The following CLEC7A variants were observed in gnomAD, a reference collection of about 807,000 sequenced individuals.
CLEC7A encodes C-type lectin domain family 7 member A.
A neutral mutation model predicts 26.9 loss-of-function variants in CLEC7A; 25 were observed. The ratio of observed to expected loss-of-function variants is 0.93; its 90% CI spans 0.68 to 1.30. The LOEUF is 1.30. CLEC7A is among the 50% of genes most tolerant of loss of function. The probability of loss-of-function intolerance (pLI) is 0.00; values close to 1 mark genes in which losing one functional copy is unlikely to be tolerated. For synonymous variants in CLEC7A, 100 were observed against 99.5 expected (o/e 1.01, Z -0.03); for missense variants, 275 against 286.7 (o/e 0.96, Z 0.29).
At position 10,116,816 on chromosome 12, in the gene CLEC7A, C is replaced by T. The variant is rs561611735; in HGVS notation, c.*1642G>A. The T allele has an allele frequency of 3.3e-5, 5 of 152,142 alleles. No individual in the cohort carries two copies. The highest frequency in any genetic ancestry group is 7.2e-5 in the African/African-American group (3 of 41,494). 9.4% of individuals were successfully genotyped at this position (152,142 alleles called of 1,614,324 possible). A position where few individuals can be genotyped will look rare whatever the true frequency, so the allele number is the denominator to read the frequency against. ...TTTTTTTTTATTGAAATGAAATCCA[C>T]ATAACATAAAATCATCCATTTTAAA... On this transcript the variant is annotated 3_prime_UTR_variant, in exon 6 of 6. Coordinates refer to ENST00000304084, the MANE Select transcript of CLEC7A (RefSeq NM_197947.3).
intron 2 of CLEC7A, chr12:10,127,065 A>G: frequency 7.2e-7 from 1 of 1,392,424 alleles, no homozygotes; most frequent in Non-Finnish European, 9.4e-7. Flanking sequence ...TAAAAATGAG[A>G]GATCCTTGAG....
intron 3 of CLEC7A, chr12:10,126,070 T>C: frequency 1.9e-6 from 1 of 529,256 alleles, no homozygotes; most frequent in Non-Finnish European, 2.4e-6. Context: ...TTAAACAAAT[T>C]TGATGAGTTT....
intron 5 of CLEC7A, among the ~76,000 whole-genome samples, chr12:10,119,729 GAAAAA>G (rs1948017597): frequency 6.6e-6 from 1 of 151,258 alleles, no homozygotes; most frequent in African/African-American, 2.4e-5. Flanking sequence ...AGAGGCAAAT[GAAAAA>G]ACACTTCAAA....
At chr12:10,126,246 G>A in intron 3 of CLEC7A, 1 of 979,618 alleles carries the variant, frequency 1.0e-6, no homozygotes. Context: ...TCTGTAAGGG[G>A]AGAGAACACT....
chr12:10,127,875 TAAAG>T (rs1225694415), intron 1 of CLEC7A, 30 bp from the exon 2 acceptor site: 1 of 1,419,710 alleles, frequency 7.0e-7, no homozygotes, highest in Non-Finnish European at 9.6e-7. Flanking sequence ...AGAAATGGAA[TAAAG>T]AAAGAGAATG....
intron 2 of CLEC7A, 31 bp from the exon 3 acceptor site, chr12:10,126,739 G>A (rs1477363126): frequency 2.6e-6 from 4 of 1,544,294 alleles, no homozygotes; most frequent in Admixed American, 3.8e-5. Context: ...AATAGTGACA[G>A]AAAAAATGTC....
rs1299764973 is a variant in CLEC7A, at chr12:10,124,902, T to C, written c.492+395A>G. Reference sequence around the variant, plus strand: ...TGCTATGATTATAATTATAGAGATATTAAAAATGAATTTTGGCCAAGTATG... The same window carrying C: ...TGCTATGATTATAATTATAGAGATACTAAAAATGAATTTTGGCCAAGTATG... On this transcript the variant is annotated intron_variant, in intron 4 of 5. Transcript: ENST00000304084. The C allele has an allele frequency of 2.1e-5, 4 of 192,554 alleles. No individual in the cohort carries two copies. In the East Asian group the frequency reaches 4.3e-4, roughly 20 times the overall value. 11.9% of individuals were successfully genotyped at this position (192,554 alleles called of 1,614,324 possible). A position where few individuals can be genotyped will look rare whatever the true frequency, so the allele number is the denominator to read the frequency against.
intron 1 of CLEC7A, among the ~76,000 whole-genome samples, chr12:10,128,247 C>CACACACACACACACA (rs3221301): frequency 7.3e-6 from 1 of 136,820 alleles, no homozygotes; most frequent in African/African-American, 2.9e-5. Flanking sequence ...CACACACACA[C>CACACACACACACACA]CACCAACAAC....
At chr12:10,123,485 G>A in intron 4 of CLEC7A, 122 bp from the exon 5 acceptor site, 1 of 691,836 alleles carries the variant, frequency 1.4e-6, no homozygotes, top group Non-Finnish European at 2.5e-6. Context: ...TGCAAGGCCG[G>A]GCGCGGTGGC....
rs903063030 is a variant in CLEC7A, at chr12:10,127,680, G to A, written c.202+67C>T. ...GATTATGCATGTCAAGCCCTTAAAAGAGTGCCTGGCACATAATAATTGCTT... is the reference window on the plus strand; with the variant it reads ...GATTATGCATGTCAAGCCCTTAAAAAAGTGCCTGGCACATAATAATTGCTT... On this transcript the variant is annotated intron_variant, in intron 2 of 5. Transcript: ENST00000304084. 6 of 1,139,328 alleles carry A rather than the reference G, an allele frequency of 5.3e-6. No individual in the cohort carries two copies. In the African/African-American group the frequency reaches 9.2e-5, roughly 18 times the overall value. 70.6% of individuals were successfully genotyped at this position (1,139,328 alleles called of 1,614,324 possible).
rs1046449601 is a variant in CLEC7A at position 10,126,848 on chromosome 12, G to T, written c.203-140C>A. On this transcript the variant is annotated intron_variant, in intron 2 of 5. Transcript: ENST00000304084. ...TGATAAATAGATGATATATTGCTGT[G>T]GAGAGATAAAGACGATTGATAGAAT... 1.3e-5 allele frequency: 9 copies of T among 715,254 alleles called. No homozygotes were observed. In the African/African-American group the frequency reaches 1.5e-4, roughly 12 times the overall value. 44.3% of individuals were successfully genotyped at this position (715,254 alleles called of 1,614,324 possible).
At chr12:10,127,197 AAT>A in intron 2 of CLEC7A, 4 of 1,130,270 alleles carry the variant, frequency 3.5e-6, no homozygotes, top group East Asian at 2.6e-5. Context: ...ATGTAAAAAA[AAT>A]ATTAATCCAT....
Position 10,126,604 on chromosome 12 carries a change from T to C in CLEC7A, c.307A>G (p.Ser103Gly), listed in dbSNP as rs776472936. 8.1e-6 allele frequency: 13 copies of C among 1,610,982 alleles called. No individual in the cohort carries two copies. In the South Asian group the frequency reaches 1.3e-4, roughly 16 times the overall value. ...TTGACAGCTTTGGTAGGAGTCACAC[T>C]GTCTTCTAAAGATGATTGTGTGGGT... is the stretch of plus-strand genomic sequence containing the variant. ...SQPTQSSLED[S>G]VTPTKAVKTT... is the part of the protein sequence containing the mutation. The change falls in exon 3 of 6, where the codon AGT (serine) becomes GGT (glycine). Residue 103 changes from serine (S) to glycine (G), a missense_variant. Physicochemically the swap from Ser to Gly is moderately conservative, Grantham distance 56. Coordinates refer to ENST00000304084, the MANE Select transcript of CLEC7A (RefSeq NM_197947.3).
rs765021234 is a variant in CLEC7A, at chr12:10,123,375, CAT to C, written c.493-14_493-13del. On this transcript the variant is annotated splice_polypyrimidine_tract_variant and intron_variant, in intron 4 of 5. Transcript: ENST00000304084. Reference sequence around the variant, plus strand: ...TTTACTATAAATCCCTGTAATGAAACATATACAAATATATAATAAAGAGAGAG... The same window carrying C: ...TTTACTATAAATCCCTGTAATGAAACATACAAATATATAATAAAGAGAGAG... The C allele has an allele frequency of 3.7e-6, 5 of 1,341,346 alleles. No homozygotes were observed. Among genetic ancestry groups the C allele is most frequent in the African/African-American group, 1.5e-5 (1 of 68,666 alleles). 83.1% of individuals were successfully genotyped at this position (1,341,346 alleles called of 1,614,324 possible).
intron 4 of CLEC7A, among the ~76,000 whole-genome samples, chr12:10,124,017 TGAAGAAATAA>T (rs1459972321): frequency 6.7e-6 from 1 of 149,648 alleles, no homozygotes; most frequent in African/African-American, 2.4e-5. Context: ...CTCCTCCAAT[TGAAGAAATAA>T]ATTGACGCTA....
In CLEC7A at chr12:10,122,576, G is replaced by C. The variant is rs559736854; in HGVS notation, c.611+669C>G. ...TGCAATGGTGCAATCTCAGCTCACT[G>C]CAACCTCTGTCTCCCAGGTCCAAGC... is the stretch of plus-strand genomic sequence containing the variant. On this transcript the variant is annotated intron_variant, in intron 5 of 5. Transcript: ENST00000304084. Among the ~76,000 whole-genome samples the C allele has an allele frequency of 2.8e-5, 4 of 143,196 alleles. No homozygotes were observed. In the South Asian group the frequency reaches 8.8e-4, roughly 31 times the overall value. 93.9% of individuals were successfully genotyped at this position (143,196 alleles called of 152,430 possible).
rs774698584 is a variant in CLEC7A at position 10,129,972 on chromosome 12, A to G, written c.103+8T>C. 6.6e-7 allele frequency: 1 copy of G among 1,524,056 alleles called. No individual in the cohort carries two copies. The highest frequency in any genetic ancestry group is 1.7e-5 in the Admixed American group (1 of 59,738). 94.4% of individuals were successfully genotyped at this position (1,524,056 alleles called of 1,614,324 possible). ...TAAAGGCACACATTAGAAAAAACAT[A>G]TATATACCTTTCTCTGAAACAACAG... On this transcript the variant is annotated splice_region_variant and intron_variant, in intron 1 of 5. Coordinates refer to ENST00000304084, the MANE Select transcript of CLEC7A (RefSeq NM_197947.3).
At chr12:10,120,761 T>C (rs1469525507) in intron 5 of CLEC7A, among the ~76,000 whole-genome samples, 1 of 149,476 alleles carries the variant, frequency 6.7e-6, no homozygotes, top group Admixed American at 6.6e-5. Flanking sequence ...CTTTTTCTTT[T>C]TTTTTTTTTT....
Position 10,118,527 on chromosome 12 carries a change from C to A in CLEC7A, c.675G>T (p.Val225=). The A allele has an allele frequency of 6.2e-7, 1 of 1,612,646 alleles. No individual in the cohort carries two copies. The highest frequency in any genetic ancestry group is 2.2e-5 in the East Asian group (1 of 44,862). ...NPSPNCVWIH[V]SVIYDQLCSV... ...TACACAGTTGGTCATAAATGACTGA[C>A]ACGTGAATCCATACACAATTTGGAG... Residue 225 remains valine (V), a synonymous_variant, in exon 6 of 6, where the codon GTG becomes GTT. Transcript: ENST00000304084.
Sources: gnomAD v4.1 joint callset for allele counts (sites outside exome capture counted in the v4.1 genomes callset) on GRCh38, gnomAD v4.1.1 for gene constraint, MANE v1.5 for transcripts, NCBI Gene and HGNC (gene_info 2026-07-23, HGNC 2026-07-21) for gene names.